The following INTS9 variants were observed in gnomAD, a reference collection of about 807,000 sequenced individuals.
INTS9 encodes the protein integrator complex subunit 9.
Under a neutral mutation model 79.7 loss-of-function variants are expected in INTS9, and 55 were observed. The ratio of observed to expected loss-of-function variants is 0.69; its 90% CI spans 0.56 to 0.86. The LOEUF (loss-of-function observed/expected upper bound fraction) is 0.86, where lower values mean the gene tolerates loss of function less well. Among genes scored for constraint, INTS9 ranks in the 40% least tolerant of loss-of-function variants. The pLI, the probability that INTS9 is intolerant of heterozygous loss-of-function variation, is 0.00. For missense variants in INTS9, 721 were observed against 831.5 expected (o/e 0.87, Z 1.64); for synonymous variants, 319 against 325.2 (o/e 0.98, Z 0.20).
chr8:28,849,012 G>T (rs1173071891), intron 3 of INTS9, among the ~76,000 whole-genome samples: 1 of 152,162 alleles, frequency 6.6e-6, no homozygotes, highest in African/African-American at 2.4e-5. Flanking sequence ...AAAATCTGGT[G>T]TCAAATTATG....
At chr8:28,790,649 T>G (rs1385369354) in intron 10 of INTS9, among the ~76,000 whole-genome samples, 1 of 152,140 alleles carries the variant, frequency 6.6e-6, no homozygotes, top group Admixed American at 6.5e-5. Context: ...TTTAACTATT[T>G]GTCTTCACAC....
At chr8:28,842,170 T>C (rs746081453) in intron 4 of INTS9, among the ~76,000 whole-genome samples, 10 of 152,184 alleles carry the variant, frequency 6.6e-5, no homozygotes, top group Non-Finnish European at 8.8e-5. Flanking sequence ...TGAATCATCA[T>C]AGAGGTCTTT....
chr8:28,820,869 A>G (rs1000464696), intron 6 of INTS9, among the ~76,000 whole-genome samples: 2 of 152,204 alleles, frequency 1.3e-5, no homozygotes, highest in East Asian at 1.9e-4. Flanking sequence ...AAGGGAGGAT[A>G]GTATGTAATG....
chr8:28,793,878 G>A lies in INTS9; in HGVS notation c.966C>T (p.Ser322=). The A allele has an allele frequency of 6.2e-7, 1 of 1,613,950 alleles. No individual in the cohort carries two copies. Among genetic ancestry groups the A allele is most frequent in the Non-Finnish European group, 8.5e-7 (1 of 1,179,964 alleles). ...GGGAGATGAAGTAGAGGGGGACGCTGGAAAGCCCGGCTGAGTCGATGTACT... is the reference window on the plus strand; with the variant it reads ...GGGAGATGAAGTAGAGGGGGACGCTAGAAAGCCCGGCTGAGTCGATGTACT... ...LYQYIDSAGL[S]SVPLYFISPV... The change falls in exon 10 of 17, where the codon TCC becomes TCT. Residue 322 remains serine (S), a synonymous_variant. Transcript: ENST00000521022.
At chr8:28,798,483 T>G (rs964101054) in intron 8 of INTS9, 5 of 152,188 alleles carry the variant, frequency 3.3e-5, no homozygotes, top group Non-Finnish European at 7.3e-5. Context: ...TACAATTCTG[T>G]GTGTGCCTGT....
intron 11 of INTS9, among the ~76,000 whole-genome samples, chr8:28,786,874 C>A (rs531939097): frequency 6.6e-6 from 1 of 152,238 alleles, no homozygotes; most frequent in East Asian, 1.9e-4. Context: ...CCCGCCACCA[C>A]GCCTGGCTAA....
At position 28,774,328 on chromosome 8, in the gene INTS9, T is replaced by A. The variant is rs552159476; in HGVS notation, c.1563+1431A>T. Among the ~76,000 whole-genome samples the A allele has an allele frequency of 2.6e-5, 4 of 152,380 alleles. No homozygotes were observed. The South Asian group carries it at 8.3e-4, about 32-fold the overall frequency. On this transcript the variant is annotated intron_variant, in intron 14 of 16. Coordinates refer to ENST00000521022, the MANE Select transcript of INTS9 (RefSeq NM_018250.4). ...GTTTGTATTATTAAGTGAATATTTTTAAAATGTCTTAGTTTTAATTTCTCA... is the reference window on the plus strand; with the variant it reads ...GTTTGTATTATTAAGTGAATATTTTAAAAATGTCTTAGTTTTAATTTCTCA...
intron 2 of INTS9, among the ~76,000 whole-genome samples, chr8:28,855,854 A>T (rs987326559): frequency 5.3e-5 from 8 of 152,230 alleles, no homozygotes; most frequent in African/African-American, 1.7e-4. Context: ...CTTTGGAAAT[A>T]TACTTAAGCA....
intron 8 of INTS9, among the ~76,000 whole-genome samples, chr8:28,803,852 A>G (rs1339773114): frequency 6.6e-6 from 1 of 152,246 alleles, no homozygotes; most frequent in Admixed American, 6.5e-5. Context: ...TCAAAATAAG[A>G]TGTCTATTAT....
intron 1 of INTS9, among the ~76,000 whole-genome samples, chr8:28,876,077 G>C (rs921655043): frequency 1.3e-5 from 2 of 151,952 alleles, no homozygotes; most frequent in South Asian, 2.1e-4. Context: ...TTTTTTGGGG[G>C]GTGTGTGTGG....
intron 15 of INTS9, 99 bp downstream of exon 15, chr8:28,770,883 A>G: frequency 2.3e-6 from 2 of 859,966 alleles, no homozygotes; most frequent in Non-Finnish European, 3.7e-6. Context: ...ATTCTTCAAC[A>G]AGAATTCACA....
At chr8:28,785,671 G>A (rs189897704) in intron 11 of INTS9, among the ~76,000 whole-genome samples, 87 of 152,290 alleles carry the variant, frequency 5.7e-4, no homozygotes, top group Non-Finnish European at 2.9e-4. Flanking sequence ...AAACCAACAT[G>A]TGGGAGCTAA....
Position 28,837,738 on chromosome 8 carries a change from G to A in INTS9, c.300C>T (p.Leu100=), listed in dbSNP as rs1806898100. The A allele has an allele frequency of 2.5e-6, 4 of 1,613,960 alleles. No individual in the cohort carries two copies. The highest frequency in any genetic ancestry group is 3.4e-6 in the Non-Finnish European group (4 of 1,179,870). Residue 100 remains leucine, a synonymous_variant, in exon 5 of 17, where the codon CTC becomes CTT. Transcript: ENST00000521022. ...LIDLSTVDVI[L]ISNYHCMMAL... ...CCATCATACAGTGATAGTTAGAGAT[G>A]AGAATCACATCTACTGTAGACAGAT...
chr8:28,813,658 T>C (rs1232941547), intron 6 of INTS9, 46 bp from the exon 7 acceptor site: 1 of 1,604,594 alleles, frequency 6.2e-7, no homozygotes, highest in Non-Finnish European at 8.5e-7. Flanking sequence ...CATTTCTTCA[T>C]GTTCTACAGC....
chr8:28,882,499 A>T (rs1533234), intron 1 of INTS9, among the ~76,000 whole-genome samples: 70,005 of 116,178 alleles, frequency 0.6, 21,944 homozygotes, highest in East Asian at 0.74. Flanking sequence ...TAAAATAAAA[A>T]AAAAAGAAAT....
chr8:28,790,799 C>G (rs1803879387), intron 10 of INTS9, among the ~76,000 whole-genome samples: 1 of 152,200 alleles, frequency 6.6e-6, no homozygotes, highest in African/African-American at 2.4e-5. Flanking sequence ...CCCAGCCACT[C>G]AACTACCTCA....
At chr8:28,780,705 A>G in intron 12 of INTS9, 118 bp downstream of exon 12, 1 of 1,502,210 alleles carries the variant, frequency 6.7e-7, no homozygotes, top group South Asian at 1.3e-5. Flanking sequence ...CTACAGTAGA[A>G]CAATGTTTGT....
intron 11 of INTS9, among the ~76,000 whole-genome samples, chr8:28,785,984 T>C (rs1043470390): frequency 7.9e-5 from 12 of 152,204 alleles, no homozygotes; most frequent in Non-Finnish European, 1.5e-4. Context: ...GAAATCCCTC[T>C]TTGTCCCCTT....
At chr8:28,871,726 A>G (rs1463072085) in intron 1 of INTS9, among the ~76,000 whole-genome samples, 1 of 152,196 alleles carries the variant, frequency 6.6e-6, no homozygotes, top group Non-Finnish European at 1.5e-5. Flanking sequence ...CTTTTAAGGC[A>G]TGATCCTAAA....
Sources: allele counts gnomAD v4.1 joint callset (sites outside exome capture counted in the v4.1 genomes callset), GRCh38; gene constraint gnomAD v4.1.1; transcripts MANE v1.5; gene names NCBI Gene and HGNC (gene_info 2026-07-23, HGNC 2026-07-21).